Variants in FRMD6 observed in about 807,000 individuals in gnomAD.
FRMD6 encodes FERM domain containing 6, also known as FERM domain-containing protein 6.
FRMD6 carries 37 observed loss-of-function variants against 73.2 expected under a neutral mutation model. The ratio of observed to expected loss-of-function variants is 0.51; its 90% CI spans 0.39 to 0.66. FRMD6 has a LOEUF of 0.66. FRMD6 is among the 30% of genes least tolerant of loss of function. FRMD6 has a pLI of 0.00. For synonymous variants in FRMD6, 273 were observed against 282.2 expected (o/e 0.97, Z 0.33); for missense variants, 714 against 780.5 (o/e 0.91, Z 1.02).
chr14:51,592,279 T>C (rs551266004), intron 2 of FRMD6, among the ~76,000 whole-genome samples: 8 of 152,362 alleles, frequency 5.3e-5, no homozygotes, highest in African/African-American at 1.9e-4. Flanking sequence ...CAGAGTCCTT[T>C]GATCAAAATA....
At chr14:51,445,551 A>G in the FRMD6 span, among the ~76,000 whole-genome samples, 1 of 151,862 alleles carries the variant, frequency 6.6e-6, no homozygotes, top group South Asian at 2.1e-4. Flanking sequence ...AAGTAGCCAA[A>G]CCGCCTGGCT....
chr14:51,542,982 TG>T (rs1194936089), intron 1 of FRMD6, among the ~76,000 whole-genome samples: 3 of 152,078 alleles, frequency 2.0e-5, no homozygotes, highest in Middle Eastern at 3.2e-3. Context: ...TTTTTGTTGT[TG>T]GGATATAGGA....
chr14:51,608,356 T>C (rs908142996), intron 2 of FRMD6, among the ~76,000 whole-genome samples: 4 of 152,218 alleles, frequency 2.6e-5, no homozygotes, highest in African/African-American at 4.8e-5. Context: ...CAGATACTTA[T>C]TGTTTGTACA....
chr14:51,426,135 C>CCTG, the FRMD6 span, among the ~76,000 whole-genome samples: 1 of 152,092 alleles, frequency 6.6e-6, no homozygotes, highest in Non-Finnish European at 1.5e-5. Context: ...ATTGATTCCC[C>CCTG]CTGTTGTCTC....
At chr14:51,545,981 A>G (rs1000362531) in intron 1 of FRMD6, among the ~76,000 whole-genome samples, 2 of 152,198 alleles carry the variant, frequency 1.3e-5, no homozygotes, top group Non-Finnish European at 2.9e-5. Flanking sequence ...GAAAAAAATG[A>G]AAATGGGATT....
At chr14:51,416,985 T>C in the FRMD6 span, among the ~76,000 whole-genome samples, 1 of 152,174 alleles carries the variant, frequency 6.6e-6, no homozygotes, top group Non-Finnish European at 1.5e-5. Context: ...CCCCTGCTTT[T>C]TTTTTGCTTT....
At chr14:51,484,985 T>A (rs115460605), upstream of FRMD6, among the ~76,000 whole-genome samples, 1 of 152,246 alleles carries the variant, frequency 6.6e-6, no homozygotes, top group Non-Finnish European at 1.5e-5. Flanking sequence ...ACTTGGCCTA[T>A]GATGCTTCTG....
At chr14:51,510,652 T>C (rs1884245086) in intron 1 of FRMD6, among the ~76,000 whole-genome samples, 1 of 152,220 alleles carries the variant, frequency 6.6e-6, no homozygotes, top group Non-Finnish European at 1.5e-5. Flanking sequence ...ATGTGAAATC[T>C]GAATACATAA....
chr14:51,663,303 C>G (rs1430308917), intron 1 of FRMD6, among the ~76,000 whole-genome samples: 1 of 152,186 alleles, frequency 6.6e-6, no homozygotes, highest in Non-Finnish European at 1.5e-5. Context: ...ATTACAAAGA[C>G]ACATGCATGC....
chr14:51,596,615 C>T (rs144032144), intron 2 of FRMD6, among the ~76,000 whole-genome samples: 1 of 152,102 alleles, frequency 6.6e-6, no homozygotes, highest in Non-Finnish European at 1.5e-5. Context: ...GTTTTGCATC[C>T]TGAGGGTGGT....
At chr14:51,405,509 G>A in the FRMD6 span, among the ~76,000 whole-genome samples, 3 of 151,744 alleles carry the variant, frequency 2.0e-5, no homozygotes, top group African/African-American at 7.3e-5. Context: ...TAGCCATTTT[G>A]ACTGGTGTGA....
At chr14:51,459,048 C>A in the FRMD6 span, among the ~76,000 whole-genome samples, 1 of 152,134 alleles carries the variant, frequency 6.6e-6, no homozygotes, top group Admixed American at 6.5e-5. Flanking sequence ...CGGAGATGCA[C>A]ACGGCAGCGT....
At chr14:51,605,174 G>A (rs1051700031) in intron 2 of FRMD6, among the ~76,000 whole-genome samples, 12 of 143,726 alleles carry the variant, frequency 8.3e-5, no homozygotes, top group Non-Finnish European at 1.8e-4. Context: ...TCATTCTTGG[G>A]TGTTTCTCAC....
At chr14:51,654,876 T>G (rs1199702398) in intron 1 of FRMD6, among the ~76,000 whole-genome samples, 1 of 152,168 alleles carries the variant, frequency 6.6e-6, no homozygotes, top group Admixed American at 6.5e-5. Context: ...TGTACATTTT[T>G]GCATTTTTCT....
At chr14:51,512,222 A>C (rs535869219) in intron 1 of FRMD6, among the ~76,000 whole-genome samples, 1 of 152,236 alleles carries the variant, frequency 6.6e-6, no homozygotes, top group South Asian at 2.1e-4. Flanking sequence ...ATGCATATGA[A>C]GGTGTTGTGG....
At chr14:51,494,210 A>G (rs1351902070) in intron 1 of FRMD6, among the ~76,000 whole-genome samples, 1 of 152,180 alleles carries the variant, frequency 6.6e-6, no homozygotes, top group African/African-American at 2.4e-5. Flanking sequence ...TTCAGCATCA[A>G]CTCAAAAGTC....
intron 1 of FRMD6, among the ~76,000 whole-genome samples, chr14:51,500,848 G>A (rs10400723): frequency 0.37 from 56,758 of 151,636 alleles, 10,744 homozygotes; most frequent in East Asian, 0.5. Flanking sequence ...CATACGGTGA[G>A]CAGTACAGTG....
Position 51,585,939 on chromosome 14 carries a change from G to GTGTGTGTATATA in FRMD6, c.-147+15530_-147+15531insGTGTGTATATAT. Among the ~76,000 whole-genome samples the GTGTGTGTATATA allele has an allele frequency of 7.3e-4, 23 of 31,398 alleles. 2 individuals carry two copies. Among genetic ancestry groups the GTGTGTGTATATA allele is most frequent in the African/African-American group, 1.6e-3 (23 of 14,610 alleles). The allele number at this position is 31,398 out of a possible 152,430, so 20.6% of individuals were successfully genotyped here. On this transcript the variant is annotated intron_variant, in intron 2 of 14. Coordinates refer to the FRMD6 transcript ENST00000356218. ...TGCCATGGCATGTGTGTGTGTGTGT[G>GTGTGTGTATATA]TATATATATATATATATATATAACA...
At chr14:51,523,398 T>C (rs10133044) in intron 1 of FRMD6, among the ~76,000 whole-genome samples, 95,835 of 151,722 alleles carry the variant, frequency 0.63, 32,417 homozygotes, top group African/African-American at 0.87. Context: ...GCCTTCCCCT[T>C]AGCCTCTGTG....
Sources: gnomAD v4.1 joint callset for allele counts (sites outside exome capture counted in the v4.1 genomes callset) on GRCh38, gnomAD v4.1.1 for gene constraint, MANE v1.5 for transcripts, NCBI Gene and HGNC (gene_info 2026-07-23, HGNC 2026-07-21) for gene names.